Variants in OTUD7B observed in about 807,000 individuals in gnomAD.
OTUD7B encodes the protein OTU domain-containing protein 7B.
A neutral mutation model predicts 82.2 loss-of-function variants in OTUD7B; 34 were observed. The observed-to-expected ratio is 0.41, with a 90% CI of 0.31 to 0.55. The LOEUF (loss-of-function observed/expected upper bound fraction) is 0.55. Ranked by LOEUF, OTUD7B falls within the 20% of genes least tolerant of loss-of-function variation. OTUD7B has a pLI of 0.20. For synonymous variants in OTUD7B, 398 were observed against 402.7 expected, an observed-to-expected ratio of 0.99 and a Z score of 0.14; for missense variants, 944 against 1,062.1, an observed-to-expected ratio of 0.89 and a Z score of 1.55.
the OTUD7B span, among the ~76,000 whole-genome samples, chr1:150,063,133 A>T: frequency 6.6e-6 from 1 of 152,158 alleles, no homozygotes; most frequent in Non-Finnish European, 1.5e-5. Context: ...GTCTCTGAGT[A>T]TATTACCTGT....
At chr1:150,018,213 G>A in the OTUD7B span, among the ~76,000 whole-genome samples, 12 of 152,296 alleles carry the variant, frequency 7.9e-5, no homozygotes, top group Admixed American at 3.9e-4. Context: ...CCATGGATAC[G>A]AGTAAAGTAC....
chr1:149,972,454 A>C (rs1553777822), intron 2 of OTUD7B, among the ~76,000 whole-genome samples: 14 of 152,106 alleles, frequency 9.2e-5, no homozygotes. Context: ...TTTCCCCAAT[A>C]TATCCACACA....
At chr1:149,994,598 A>AC (rs1164853934) in intron 1 of OTUD7B, among the ~76,000 whole-genome samples, 1 of 144,346 alleles carries the variant, frequency 6.9e-6, no homozygotes, top group Non-Finnish European at 1.5e-5. Context: ...AAAAAAAAAA[A>AC]AAAAAAAACC....
At chr1:149,990,456 A>T (rs1235692599) in intron 1 of OTUD7B, among the ~76,000 whole-genome samples, 1 of 152,210 alleles carries the variant, frequency 6.6e-6, no homozygotes, top group African/African-American at 2.4e-5. Context: ...ATCTACACCT[A>T]AAATAGGCTT....
At chr1:150,034,303 A>T in the OTUD7B span, among the ~76,000 whole-genome samples, 1 of 152,236 alleles carries the variant, frequency 6.6e-6, no homozygotes, top group African/African-American at 2.4e-5. Context: ...TAGGGAACTA[A>T]GGCAAAGTCT....
At chr1:149,965,050 GC>G (rs1435667915) in intron 5 of OTUD7B, among the ~76,000 whole-genome samples, 13 of 148,502 alleles carry the variant, frequency 8.8e-5, no homozygotes, top group Non-Finnish European at 1.8e-4. Flanking sequence ...CTGCCACCAT[GC>G]CCAGCTAATT....
At chr1:150,020,972 T>C in the OTUD7B span, among the ~76,000 whole-genome samples, 1 of 152,248 alleles carries the variant, frequency 6.6e-6, no homozygotes, top group Admixed American at 6.5e-5. Context: ...CCACCTTTTC[T>C]CCTCTGGTTG....
chr1:150,039,057 C>T, the OTUD7B span, among the ~76,000 whole-genome samples: 364 of 152,228 alleles, frequency 2.4e-3, 2 homozygotes, highest in South Asian at 5.6e-3. Flanking sequence ...CTACTCTATT[C>T]CAATCTATTT....
chr1:149,950,221 C>G lies in OTUD7B; in HGVS notation c.846G>C (p.Gly282=). The change falls in exon 8 of 12, where the codon GGG becomes GGC. Residue 282 remains glycine, a splice_region_variant and synonymous_variant. Transcript: ENST00000581312. Reference sequence around the variant, plus strand: ...ATACAGGCTCCTCAGAACTCTCCACCCTGGAACGACGGGAAGGGAGAGAGT... The same window carrying G: ...ATACAGGCTCCTCAGAACTCTCCACGCTGGAACGACGGGAAGGGAGAGAGT... ...HLGTNGANCG[G]VESSEEPVYE... The G allele has an allele frequency of 6.2e-7, 1 of 1,613,964 alleles. No homozygotes were observed. Among genetic ancestry groups the G allele is most frequent in the Non-Finnish European group, 8.5e-7 (1 of 1,179,972 alleles).
chr1:150,009,007 T>C (rs1652843757), intron 1 of OTUD7B, among the ~76,000 whole-genome samples: 1 of 152,226 alleles, frequency 6.6e-6, no homozygotes, highest in African/African-American at 2.4e-5. Flanking sequence ...TTTACAGTTT[T>C]GTTCAGCCTT....
At position 149,939,556 on chromosome 1, in the gene OTUD7B, T is replaced by C. The variant is rs2092748215; in HGVS notation, c.*4301A>G. 6.6e-6 allele frequency: 1 copy of C among 152,216 alleles called. No individual in the cohort carries two copies. The highest frequency in any genetic ancestry group is 2.4e-5 in the African/African-American group (1 of 41,434). The allele number at this position is 152,216 out of a possible 1,614,324, so 9.4% of individuals were successfully genotyped here. On this transcript the variant is annotated 3_prime_UTR_variant, in exon 12 of 12. Coordinates refer to ENST00000581312, the MANE Select transcript of OTUD7B (RefSeq NM_020205.4). ...AAATTAGAAAAATCTGGAGTGCAGG[T>C]GATTCCAGGCCGGGAAGGGGCTTCT...
chr1:149,987,276 G>A (rs1228658570), intron 1 of OTUD7B, among the ~76,000 whole-genome samples: 3 of 152,172 alleles, frequency 2.0e-5, no homozygotes, highest in African/African-American at 7.2e-5. Context: ...CCAGGGAGGA[G>A]GACTAAGAAA....
At chr1:150,053,504 C>T in the OTUD7B span, among the ~76,000 whole-genome samples, 2 of 151,538 alleles carry the variant, frequency 1.3e-5, no homozygotes, top group Non-Finnish European at 2.9e-5. Flanking sequence ...TCAATCGATT[C>T]TCCTGTCTCA....
chr1:149,967,852 C>A (rs984999884), intron 3 of OTUD7B, among the ~76,000 whole-genome samples: 4 of 152,026 alleles, frequency 2.6e-5, no homozygotes, highest in African/African-American at 9.7e-5. Flanking sequence ...GCAATTTGGT[C>A]ATTGTTTGGT....
chr1:149,967,591 A>C (rs1649605804), intron 3 of OTUD7B, 70 bp from the exon 4 acceptor site: 4 of 1,163,298 alleles, frequency 3.4e-6, no homozygotes. Flanking sequence ...TGATGTGGTG[A>C]TAGTTACCTC....
chr1:150,022,429 A>ATCC, the OTUD7B span, among the ~76,000 whole-genome samples: 26 of 2,518 alleles, frequency 0.01, 12 homozygotes, highest in East Asian at 0.023. Flanking sequence ...AAAAATAACT[A>ATCC]CATGCTGAAG....
intron 1 of OTUD7B, among the ~76,000 whole-genome samples, chr1:149,980,921 G>A (rs1174622150): frequency 2.0e-5 from 3 of 151,660 alleles, no homozygotes; most frequent in Non-Finnish European, 4.4e-5. Flanking sequence ...GCTGAGGTGG[G>A]AGGATTGCTT....
At chr1:149,965,461 T>G (rs1553776352) in intron 5 of OTUD7B, among the ~76,000 whole-genome samples, 1 of 152,194 alleles carries the variant, frequency 6.6e-6, no homozygotes, top group Non-Finnish European at 1.5e-5. Context: ...AAATATTAAG[T>G]AGAATTGTAC....
At chr1:150,044,116 AT>A in the OTUD7B span, among the ~76,000 whole-genome samples, 4 of 152,160 alleles carry the variant, frequency 2.6e-5, no homozygotes, top group African/African-American at 7.2e-5. Context: ...TCTCAAAAAA[AT>A]AATAAAATAA....
Sources: allele counts gnomAD v4.1 joint callset (sites outside exome capture counted in the v4.1 genomes callset), GRCh38; gene constraint gnomAD v4.1.1; transcripts MANE v1.5; gene names NCBI Gene and HGNC (gene_info 2026-07-23, HGNC 2026-07-21).